The following EYS variants were observed in gnomAD, a reference collection of about 807,000 sequenced individuals.
EYS encodes protein eyes shut homolog.
A neutral mutation model predicts 282.1 loss-of-function variants in EYS; 250 were observed. The observed-to-expected ratio is 0.89, with a 90% CI of 0.80 to 0.98. The LOEUF is 0.98. Among genes scored for constraint, EYS ranks in the 50% least tolerant of loss-of-function variants. The probability of loss-of-function intolerance (pLI) is 0.00; values close to 1 mark genes in which losing one functional copy is unlikely to be tolerated. For synonymous variants in EYS, 1,355 were observed against 1,282.9 expected (o/e 1.06, Z -1.20); for missense variants, 4,016 against 3,709.0 (o/e 1.08, Z -2.15).
intron 22 of EYS, among the ~76,000 whole-genome samples, chr6:64,754,266 A>C (rs1219230604): frequency 1.3e-5 from 2 of 152,138 alleles, no homozygotes; most frequent in Admixed American, 6.5e-5. Flanking sequence ...TTTCCTGAAA[A>C]CATGCAACTT....
intron 30 of EYS, among the ~76,000 whole-genome samples, chr6:64,231,150 T>A (rs974062555): frequency 6.6e-6 from 1 of 152,154 alleles, no homozygotes; most frequent in Non-Finnish European, 1.5e-5. Context: ...AAGAATTAGG[T>A]CATGTTACAT....
chr6:65,472,178 G>T (rs775213032), intron 5 of EYS, among the ~76,000 whole-genome samples: 22 of 151,960 alleles, frequency 1.4e-4, no homozygotes, highest in Non-Finnish European at 2.8e-4. Context: ...TCATAGAGTT[G>T]GAAGATCCAT....
chr6:64,513,012 A>C (rs74582880), intron 26 of EYS, among the ~76,000 whole-genome samples: 10 of 148,906 alleles, frequency 6.7e-5, no homozygotes, highest in African/African-American at 2.2e-4. Flanking sequence ...TACTTAAAGG[A>C]AAAAAAAAAG....
At chr6:64,131,512 T>C (rs9450883) in intron 31 of EYS, among the ~76,000 whole-genome samples, 56,757 of 151,914 alleles carry the variant, frequency 0.37, 10,962 homozygotes, top group East Asian at 0.51. Flanking sequence ...TGGTGTACAG[T>C]ATAGACCATG....
At chr6:64,162,252 A>G (rs1775129382) in intron 31 of EYS, among the ~76,000 whole-genome samples, 1 of 152,180 alleles carries the variant, frequency 6.6e-6, no homozygotes, top group Non-Finnish European at 1.5e-5. Context: ...GCAAAATGAC[A>G]TTTATAAAAT....
At chr6:63,763,090 T>C (rs1338827776) in intron 40 of EYS, among the ~76,000 whole-genome samples, 3 of 152,044 alleles carry the variant, frequency 2.0e-5, no homozygotes, top group Non-Finnish European at 4.4e-5. Flanking sequence ...GCAAACATAC[T>C]GGAGACAAGT....
chr6:64,467,731 G>C lies in EYS; in HGVS notation c.5645-28379C>G, dbSNP rs531730399. The stretch of plus-strand genomic sequence containing the variant: ...TAGCCATAGGCCTGCTCTGCACACT[G>C]CTACCAGTATATGGAAGTATCATCC... On this transcript the variant is annotated intron_variant, in intron 26 of 42. Transcript: ENST00000503581. Among the ~76,000 whole-genome samples the C allele has an allele frequency of 3.3e-5, 5 of 152,168 alleles. No individual in the cohort carries two copies. In the South Asian group the frequency reaches 1.0e-3, roughly 32 times the overall value.
chr6:64,317,152 G>A (rs553100659), intron 29 of EYS, among the ~76,000 whole-genome samples: 59 of 152,170 alleles, frequency 3.9e-4, no homozygotes, highest in Non-Finnish European at 6.6e-4. Context: ...CATAGGCATG[G>A]CAAAGACTTC....
chr6:65,522,508 G>C (rs1214354557), intron 2 of EYS, among the ~76,000 whole-genome samples: 1 of 152,062 alleles, frequency 6.6e-6, no homozygotes, highest in Non-Finnish European at 1.5e-5. Context: ...GGTGGAGATG[G>C]GTTGTTTGTT....
At chr6:65,692,729 C>A (rs1227556669) in intron 1 of EYS, among the ~76,000 whole-genome samples, 1 of 149,498 alleles carries the variant, frequency 6.7e-6, no homozygotes, top group Non-Finnish European at 1.5e-5. Flanking sequence ...TAGAACTATC[C>A]AGTTCTGGAG....
At chr6:64,729,544 T>C (rs1207419324) in intron 22 of EYS, among the ~76,000 whole-genome samples, 1 of 152,210 alleles carries the variant, frequency 6.6e-6, no homozygotes, top group Non-Finnish European at 1.5e-5. Context: ...GTGAATGTAG[T>C]TCACAGCTAG....
chr6:65,429,832 T>TAGAC (rs140744), intron 5 of EYS, among the ~76,000 whole-genome samples: 90,212 of 151,476 alleles, frequency 0.6, 27,207 homozygotes, highest in East Asian at 0.76. Flanking sequence ...TAACACTTGA[T>TAGAC]AGAGAAGAGA....
At chr6:65,432,683 A>G (rs1767930603) in intron 5 of EYS, among the ~76,000 whole-genome samples, 1 of 152,126 alleles carries the variant, frequency 6.6e-6, no homozygotes, top group African/African-American at 2.4e-5. Flanking sequence ...CTTCTTAGTG[A>G]TATAAAAGCT....
At chr6:64,217,827 C>A (rs1334698420) in intron 31 of EYS, among the ~76,000 whole-genome samples, 1 of 152,090 alleles carries the variant, frequency 6.6e-6, no homozygotes, top group Non-Finnish European at 1.5e-5. Context: ...GAAGATGATT[C>A]TTCAGAGGAA....
chr6:64,457,692 A>C, intron 26 of EYS, among the ~76,000 whole-genome samples: 1 of 151,904 alleles, frequency 6.6e-6, no homozygotes, highest in South Asian at 2.1e-4. Context: ...TTTGGTTTCC[A>C]TTTTTCTGAA....
At chr6:63,928,191 AT>A (rs891086881) in intron 35 of EYS, among the ~76,000 whole-genome samples, 1 of 152,160 alleles carries the variant, frequency 6.6e-6, no homozygotes, top group African/African-American at 2.4e-5. Flanking sequence ...AAAATAACTG[AT>A]TACTAGCAGA....
At chr6:64,729,741 A>G (rs1332303581) in intron 22 of EYS, among the ~76,000 whole-genome samples, 3 of 152,048 alleles carry the variant, frequency 2.0e-5, no homozygotes, top group Non-Finnish European at 2.9e-5. Flanking sequence ...ATACATGCCA[A>G]TGAGTTTTGA....
At chr6:65,644,828 G>A (rs545101768) in intron 1 of EYS, among the ~76,000 whole-genome samples, 46 of 152,240 alleles carry the variant, frequency 3.0e-4, no homozygotes, top group South Asian at 6.2e-4. Flanking sequence ...CTTTATAAAT[G>A]AAGGAAAGAT....
At chr6:64,482,424 ACTTTTTAAG>A (rs1776462122) in intron 26 of EYS, among the ~76,000 whole-genome samples, 1 of 151,738 alleles carries the variant, frequency 6.6e-6, no homozygotes, top group Admixed American at 6.6e-5. Flanking sequence ...CAGGGATTTA[ACTTTTTAAG>A]AAGATAGCTT....
Sources: allele counts gnomAD v4.1 joint callset (sites outside exome capture counted in the v4.1 genomes callset), GRCh38; gene constraint gnomAD v4.1.1; transcripts MANE v1.5; gene names NCBI Gene and HGNC (gene_info 2026-07-23, HGNC 2026-07-21).